The following CFAP54 variants were observed in gnomAD, a reference collection of about 807,000 sequenced individuals.
CFAP54 encodes cilia- and flagella-associated protein 54.
A neutral mutation model predicts 370.4 loss-of-function variants in CFAP54; 290 were observed. The observed-to-expected ratio is 0.78, with a 90% CI of 0.71 to 0.86. The LOEUF (loss-of-function observed/expected upper bound fraction) is 0.86, where lower values mean the gene tolerates loss of function less well. CFAP54 is among the 40% of genes least tolerant of loss of function. The pLI is 0.00. For missense variants in CFAP54, 3,399 were observed against 3,528.7 expected (o/e 0.96, Z 0.93); for synonymous variants, 1,206 against 1,236.5 (o/e 0.98, Z 0.52).
chr12:96,572,558 T>G (rs139582473), intron 19 of CFAP54, among the ~76,000 whole-genome samples: 224 of 152,262 alleles, frequency 1.5e-3, no homozygotes, highest in African/African-American at 5.0e-3. Flanking sequence ...AAAAGGGCTT[T>G]GGAAAAGTTT....
At chr12:96,638,209 G>A (rs1281202155) in intron 32 of CFAP54, among the ~76,000 whole-genome samples, 11 of 81,524 alleles carry the variant, frequency 1.3e-4, no homozygotes, top group Admixed American at 4.7e-4. Context: ...ATATGCATGT[G>A]TGTGTGTGTG....
chr12:96,739,096 G>A (rs1958018833), intron 50 of CFAP54, among the ~76,000 whole-genome samples: 1 of 152,122 alleles, frequency 6.6e-6, no homozygotes, highest in Non-Finnish European at 1.5e-5. Flanking sequence ...CCTGTTAAAT[G>A]TGACTGTCGA....
At chr12:96,825,621 T>C (rs1959089751) in intron 65 of CFAP54, among the ~76,000 whole-genome samples, 1 of 121,092 alleles carries the variant, frequency 8.3e-6, no homozygotes, top group East Asian at 2.4e-4. Context: ...TATGATATAA[T>C]ATATAATATA....
chr12:96,699,512 T>C (rs1957469724), intron 45 of CFAP54, among the ~76,000 whole-genome samples: 1 of 152,068 alleles, frequency 6.6e-6, no homozygotes. Context: ...AAAAGAAAAT[T>C]AGTAGTTGTC....
intron 26 of CFAP54, among the ~76,000 whole-genome samples, chr12:96,610,085 T>C (rs942846790): frequency 6.6e-6 from 1 of 152,200 alleles, no homozygotes; most frequent in Non-Finnish European, 1.5e-5. Context: ...AATAAAAAAA[T>C]GATGTCACAG....
intron 25 of CFAP54, among the ~76,000 whole-genome samples, chr12:96,596,961 C>T (rs1347987415): frequency 6.6e-6 from 1 of 151,910 alleles, no homozygotes; most frequent in Non-Finnish European, 1.5e-5. Flanking sequence ...ATTAAATTAA[C>T]AATGTAATAT....
chr12:96,865,505 T>C (rs1486673228), intron 67 of CFAP54, among the ~76,000 whole-genome samples: 1 of 152,178 alleles, frequency 6.6e-6, no homozygotes, highest in African/African-American at 2.4e-5. Context: ...TCATTAATGA[T>C]TGACACCAAA....
intron 21 of CFAP54, 99 bp downstream of exon 21, chr12:96,580,788 C>A: frequency 9.1e-7 from 1 of 1,103,028 alleles, no homozygotes; most frequent in South Asian, 2.0e-5. Flanking sequence ...CTAATTTCCA[C>A]CTGAATCATA....
rs551528851 is a variant in CFAP54, at chr12:96,634,661, C to G, written c.4316+4010C>G. ...GTGCTTTTGGTGGCAAATCTAAAAACTTTTTGCCTAATCGTAGGTCCTTTT... is the reference window on the plus strand; with the variant it reads ...GTGCTTTTGGTGGCAAATCTAAAAAGTTTTTGCCTAATCGTAGGTCCTTTT... On this transcript the variant is annotated intron_variant, in intron 32 of 67. Coordinates refer to ENST00000524981, the MANE Select transcript of CFAP54 (RefSeq NM_001306084.2). Among the ~76,000 whole-genome samples, 4 of 152,174 alleles carry G rather than the reference C, an allele frequency of 2.6e-5. No individual in the cohort carries two copies. In the South Asian group the frequency reaches 8.3e-4, roughly 32 times the overall value.
At chr12:96,771,049 G>T (rs1958455588) in intron 60 of CFAP54, among the ~76,000 whole-genome samples, 1 of 152,182 alleles carries the variant, frequency 6.6e-6, no homozygotes, top group African/African-American at 2.4e-5. Flanking sequence ...GTTTTAATTT[G>T]TAGCTGAGCT....
At chr12:96,802,991 T>A (rs1274568821) in intron 63 of CFAP54, among the ~76,000 whole-genome samples, 3 of 152,218 alleles carry the variant, frequency 2.0e-5, no homozygotes, top group Admixed American at 2.0e-4. Flanking sequence ...TCCATGTCCC[T>A]GCAAAGGACA....
Position 96,657,943 on chromosome 12 carries a change from ACGGT to A in CFAP54, c.5163_5166del (p.Asn1721LysfsTer14). ...TGTTATGGGAATATTAAAAATGACAACGGTGGTTCTAGTCTTACCTTTGAGCATC... is the reference window on the plus strand; with the variant it reads ...TGTTATGGGAATATTAAAAATGACAAGGTTCTAGTCTTACCTTTGAGCATC... On this transcript the variant is annotated frameshift_variant, in exon 37 of 68. Transcript: ENST00000524981. LOFTEE classifies it high-confidence loss of function. The A allele has an allele frequency of 6.2e-7, 1 of 1,613,944 alleles. No individual in the cohort carries two copies.
At chr12:96,755,090 A>G (rs546420812) in intron 56 of CFAP54, among the ~76,000 whole-genome samples, 1 of 152,154 alleles carries the variant, frequency 6.6e-6, no homozygotes, top group Non-Finnish European at 1.5e-5. Context: ...GAGGGCTGGG[A>G]GCTGTGAGGG....
chr12:96,850,679 TG>T (rs1959516271), intron 66 of CFAP54, among the ~76,000 whole-genome samples: 1 of 150,954 alleles, frequency 6.6e-6, no homozygotes, highest in Admixed American at 6.6e-5. Context: ...TATCTGAAAC[TG>T]GGTAATTTGT....
intron 38 of CFAP54, among the ~76,000 whole-genome samples, chr12:96,658,993 A>G (rs1026821640): frequency 2.0e-5 from 3 of 151,962 alleles, no homozygotes; most frequent in Non-Finnish European, 2.9e-5. Context: ...CTAAGCAGGA[A>G]ATCAGTTCTG....
At chr12:96,697,323 G>A (rs927133079) in intron 45 of CFAP54, among the ~76,000 whole-genome samples, 1 of 152,160 alleles carries the variant, frequency 6.6e-6, no homozygotes, top group African/African-American at 2.4e-5. Flanking sequence ...CAGATATGGG[G>A]AAGTGTTTCC....
At chr12:96,701,426 A>G (rs928921916) in intron 46 of CFAP54, among the ~76,000 whole-genome samples, 1 of 152,178 alleles carries the variant, frequency 6.6e-6, no homozygotes, top group Admixed American at 6.5e-5. Context: ...ATAGAGCAGT[A>G]GAAAGACAGC....
intron 15 of CFAP54, among the ~76,000 whole-genome samples, chr12:96,550,255 G>A (rs1955680992): frequency 6.6e-6 from 1 of 152,122 alleles, no homozygotes; most frequent in African/African-American, 2.4e-5. Context: ...ATGTGAGCGT[G>A]TGGGGTCTTT....
chr12:96,527,358 T>A lies in CFAP54; in HGVS notation c.1271T>A (p.Leu424Gln), dbSNP rs200227153. 1 of 1,535,840 alleles carries A rather than the reference T, an allele frequency of 6.5e-7. No individual in the cohort carries two copies. The highest frequency in any genetic ancestry group is 8.7e-7 in the Non-Finnish European group (1 of 1,146,712). ...EALSDSNRRI[L>Q]QTGPIVTDEV... Reference sequence around the variant, plus strand: ...CTTTCTGATTCAAATAGGCGAATACTGCAAACTGGACCCATTGTTACAGAT... The same window carrying A: ...CTTTCTGATTCAAATAGGCGAATACAGCAAACTGGACCCATTGTTACAGAT... Residue 424 changes from leucine (L) to glutamine (Q), a missense_variant, in exon 9 of 68, where the codon CTG becomes CAG. Leu to Gln is a moderately radical substitution (Grantham distance 113). Around this residue, in one of 3 missense-constraint regions of CFAP54, gnomAD observed 559 missense variants for 576.7 expected, o/e 0.97. Transcript: ENST00000524981.
Sources: gnomAD v4.1 joint callset for allele counts (sites outside exome capture counted in the v4.1 genomes callset) on GRCh38, gnomAD v4.1.1 for gene constraint, gnomAD v4.1.1 regional missense constraint, MANE v1.5 for transcripts, NCBI Gene and HGNC (gene_info 2026-07-23, HGNC 2026-07-21) for gene names.